IPO11: variants seen among roughly 807,000 people sequenced by gnomAD.
The protein encoded by IPO11 is importin-11.
IPO11 carries 66 observed loss-of-function variants against 143.2 expected under a neutral mutation model. The observed-to-expected ratio is 0.46, with a 90% CI of 0.38 to 0.57. IPO11 has a LOEUF of 0.57. Ranked by LOEUF, IPO11 falls within the 20% of genes least tolerant of loss-of-function variation. The pLI, the probability that IPO11 is intolerant of heterozygous loss-of-function variation, is 0.00. For missense variants in IPO11, 1,026 were observed against 1,141.0 expected (o/e 0.90, Z 1.45); for synonymous variants, 385 against 377.8 (o/e 1.02, Z -0.22).
At chr5:62,440,880 T>C (rs1744446727) in intron 2 of IPO11, among the ~76,000 whole-genome samples, 2 of 151,740 alleles carry the variant, frequency 1.3e-5, no homozygotes, top group Admixed American at 6.6e-5. Context: ...GGAGAATCGC[T>C]TGAACCCGGG....
intron 19 of IPO11, among the ~76,000 whole-genome samples, chr5:62,513,614 C>T (rs1485711935): frequency 7.7e-4 from 113 of 145,980 alleles, no homozygotes; most frequent in African/African-American, 2.8e-3. Flanking sequence ...AGAGGGACTC[C>T]TCACTTCCCA....
At chr5:62,493,121 C>T (rs1457338876) in intron 15 of IPO11, among the ~76,000 whole-genome samples, 1 of 152,104 alleles carries the variant, frequency 6.6e-6, no homozygotes, top group Non-Finnish European at 1.5e-5. Flanking sequence ...AATGTTTTGC[C>T]AGTGTTAATA....
chr5:62,432,600 T>G (rs1413407158), intron 1 of IPO11, among the ~76,000 whole-genome samples: 1 of 152,238 alleles, frequency 6.6e-6, no homozygotes, highest in African/African-American at 2.4e-5. Flanking sequence ...CATAGATGTT[T>G]CTGTATTTGC....
At chr5:62,615,737 G>A (rs1000008643) in intron 29 of IPO11, among the ~76,000 whole-genome samples, 2 of 152,150 alleles carry the variant, frequency 1.3e-5, no homozygotes, top group Non-Finnish European at 2.9e-5. Context: ...ACAGGAACAA[G>A]GAAACAGCAT....
intron 5 of IPO11, among the ~76,000 whole-genome samples, chr5:62,458,837 T>G (rs1477745550): frequency 6.6e-6 from 1 of 152,192 alleles, no homozygotes; most frequent in Non-Finnish European, 1.5e-5. Context: ...TATAGCATGG[T>G]GCGTACTCTT....
At position 62,579,341 on chromosome 5, in the gene IPO11, TA is replaced by T. The variant is rs979142366; in HGVS notation, c.2583-12228del. 994 of 1,059,746 alleles carry T rather than the reference TA, an allele frequency of 9.4e-4. 5 individuals are homozygous for T. The highest frequency in any genetic ancestry group is 6.0e-3 in the African/African-American group (381 of 63,156). 65.6% of individuals were successfully genotyped at this position (1,059,746 alleles called of 1,614,324 possible). A position where few individuals can be genotyped will look rare whatever the true frequency, so the allele number is the denominator to read the frequency against. On this transcript the variant is annotated intron_variant, in intron 27 of 29. Transcript: ENST00000325324. Reference sequence around the variant, plus strand: ...ATAGAATACAGAAGTTATAGTATTATAAAAAAAATTCATTTGATGAAGTTTT... The same window carrying T: ...ATAGAATACAGAAGTTATAGTATTATAAAAAAATTCATTTGATGAAGTTTT...
intron 27 of IPO11, among the ~76,000 whole-genome samples, chr5:62,573,420 C>G (rs981829926): frequency 6.6e-6 from 1 of 152,130 alleles, no homozygotes; most frequent in Non-Finnish European, 1.5e-5. Flanking sequence ...CTTCACTAAC[C>G]TTTCTGACTG....
chr5:62,598,395 TC>T (rs1745314388), intron 28 of IPO11, among the ~76,000 whole-genome samples: 1 of 10,888 alleles, frequency 9.2e-5, no homozygotes, highest in African/African-American at 1.3e-3. Context: ...TTGCTTGCTT[TC>T]TTTCTTTCTT....
intron 29 of IPO11, among the ~76,000 whole-genome samples, chr5:62,611,092 A>AG (rs1020174749): frequency 3.3e-5 from 5 of 152,230 alleles, no homozygotes; most frequent in African/African-American, 4.8e-5. Context: ...AAGCCATTGT[A>AG]GGACATATAA....
intron 28 of IPO11, 103 bp downstream of exon 28, chr5:62,591,775 T>C: frequency 4.6e-6 from 3 of 647,496 alleles, no homozygotes; most frequent in Non-Finnish European, 7.5e-6. Flanking sequence ...TATGAAAGTT[T>C]TATAATTTCT....
At chr5:62,547,328 A>G (rs1743238117) in intron 24 of IPO11, among the ~76,000 whole-genome samples, 2 of 152,146 alleles carry the variant, frequency 1.3e-5, no homozygotes, top group Admixed American at 6.6e-5. Context: ...ACCATTTCAT[A>G]TGGATTTCCC....
Position 62,417,746 on chromosome 5 carries a change from C to T in IPO11, c.-7+4817C>T, listed in dbSNP as rs557406666. 5.3e-5 allele frequency among the ~76,000 whole-genome samples: 8 copies of T among 152,260 alleles called. No individual in the cohort carries two copies. In the South Asian group the frequency reaches 1.7e-3, roughly 32 times the overall value. ...CTATTTTGATGACTCCCAAATCTGG[C>T]TTTTTAGCACAGGTCTCTCTTCAAC... On this transcript the variant is annotated intron_variant, in intron 1 of 29. Transcript: ENST00000325324.
At chr5:62,514,312 G>C (rs28733520) in intron 19 of IPO11, among the ~76,000 whole-genome samples, 1 of 152,082 alleles carries the variant, frequency 6.6e-6, no homozygotes, top group South Asian at 2.1e-4. Context: ...ATTGAGCACT[G>C]AGTGAATGAG....
intron 9 of IPO11, among the ~76,000 whole-genome samples, chr5:62,479,196 C>T (rs1746089566): frequency 6.6e-6 from 1 of 152,150 alleles, no homozygotes; most frequent in Non-Finnish European, 1.5e-5. Context: ...GTTTGGTTTT[C>T]CGTCCTTGCG....
chr5:62,558,314 C>G (rs1451203207), intron 26 of IPO11, among the ~76,000 whole-genome samples: 1 of 152,154 alleles, frequency 6.6e-6, no homozygotes, highest in Non-Finnish European at 1.5e-5. Context: ...CAATAATAAG[C>G]TAGTTTAGAA....
intron 27 of IPO11, among the ~76,000 whole-genome samples, chr5:62,588,492 C>G (rs1033088268): frequency 2.0e-5 from 3 of 152,186 alleles, no homozygotes. Context: ...CTCAGCCTCC[C>G]GAAGTGCTGG....
intron 20 of IPO11, 132 bp downstream of exon 20, chr5:62,515,633 C>A: frequency 3.5e-6 from 2 of 570,128 alleles, no homozygotes; most frequent in Non-Finnish European, 5.9e-6. Flanking sequence ...ATTTTTTTTT[C>A]CATGTGTGAT....
At chr5:62,623,484 C>G (rs1746445581) in intron 29 of IPO11, among the ~76,000 whole-genome samples, 1 of 152,056 alleles carries the variant, frequency 6.6e-6, no homozygotes, top group Non-Finnish European at 1.5e-5. Context: ...GCTCTTGGAT[C>G]TCACACAAGA....
At chr5:62,534,185 T>C (rs1209537462) in intron 22 of IPO11, among the ~76,000 whole-genome samples, 2 of 152,228 alleles carry the variant, frequency 1.3e-5, no homozygotes, top group African/African-American at 4.8e-5. Flanking sequence ...ATTATATTAA[T>C]TTAGTTCTAA....
Sources: allele counts gnomAD v4.1 joint callset (sites outside exome capture counted in the v4.1 genomes callset), GRCh38; gene constraint gnomAD v4.1.1; transcripts MANE v1.5; gene names NCBI Gene and HGNC (gene_info 2026-07-23, HGNC 2026-07-21).